Variants in DOK6 observed in about 807,000 individuals in gnomAD.
DOK6 encodes docking protein 6, also known as downstream of tyrosine kinase 6.
DOK6 carries 22 observed loss-of-function variants against 44.0 expected under a neutral mutation model. The ratio of observed to expected loss-of-function variants is 0.50; its 90% CI spans 0.36 to 0.71. The LOEUF is 0.71. DOK6 is among the 30% of genes least tolerant of loss of function. The pLI is 0.00. For missense variants in DOK6, 340 were observed against 416.4 expected (o/e 0.82, Z 1.60); for synonymous variants, 166 against 145.5 (o/e 1.14, Z -1.01).
intron 1 of DOK6, among the ~76,000 whole-genome samples, chr18:69,507,845 G>A (rs1480423177): frequency 6.6e-6 from 1 of 151,954 alleles, no homozygotes; most frequent in African/African-American, 2.4e-5. Context: ...TATGCCTCTT[G>A]TTTCTTTTGT....
intron 6 of DOK6, among the ~76,000 whole-genome samples, chr18:69,753,901 C>G (rs1444908299): frequency 6.6e-6 from 1 of 151,956 alleles, no homozygotes; most frequent in Non-Finnish European, 1.5e-5. Flanking sequence ...ACTTCAAACA[C>G]ATGTATCCAT....
rs552265067 is a variant in DOK6 at position 69,712,710 on chromosome 18, G to C, written c.599+14117G>C. Among the ~76,000 whole-genome samples the C allele has an allele frequency of 1.5e-4, 23 of 152,184 alleles. No homozygotes were observed. In the East Asian group the frequency reaches 3.5e-3, roughly 23 times the overall value. On this transcript the variant is annotated intron_variant, in intron 5 of 7. Transcript: ENST00000382713. ...AAAAATACATAAGTTAGCCAGGAGT[G>C]GGGGTGTGCACCTGTAGTCCCAGCT...
At chr18:69,773,324 C>T (rs552673417) in intron 7 of DOK6, among the ~76,000 whole-genome samples, 2 of 152,022 alleles carry the variant, frequency 1.3e-5, no homozygotes, top group South Asian at 2.1e-4. Flanking sequence ...ATAAAATCCA[C>T]AGCTCCACCT....
chr18:69,589,686 G>A (rs548214168), intron 2 of DOK6, among the ~76,000 whole-genome samples: 1 of 151,888 alleles, frequency 6.6e-6, no homozygotes. Flanking sequence ...TGCATTGAGT[G>A]GTAATATTCC....
In DOK6 at chr18:69,741,999, T is replaced by C. The variant is rs143378529; in HGVS notation, c.738+2896T>C. The stretch of plus-strand genomic sequence containing the variant: ...CTTTTCACACCATATAAGACCTTAT[T>C]TTGCCCTTGTTTATAACCCACTTTC... On this transcript the variant is annotated intron_variant, in intron 6 of 7. Transcript: ENST00000382713. 6.6e-3 allele frequency among the ~76,000 whole-genome samples: 1,007 copies of C among 152,312 alleles called. 4 individuals are homozygous for C. Among genetic ancestry groups the C allele is most frequent in the Non-Finnish European group, 9.3e-3 (631 of 68,030 alleles).
chr18:69,471,096 A>G (rs543018503), intron 1 of DOK6, among the ~76,000 whole-genome samples: 1 of 151,736 alleles, frequency 6.6e-6, no homozygotes, highest in South Asian at 2.1e-4. Context: ...CTAAAAATAC[A>G]AAATTAGCCG....
intron 7 of DOK6, among the ~76,000 whole-genome samples, chr18:69,814,956 G>T (rs1021450441): frequency 4.6e-5 from 7 of 152,130 alleles, no homozygotes. Flanking sequence ...AAGATGGAGA[G>T]GTGGCGAGGT....
At chr18:69,657,610 G>T (rs1985402714) in intron 3 of DOK6, among the ~76,000 whole-genome samples, 2 of 152,144 alleles carry the variant, frequency 1.3e-5, no homozygotes, top group Admixed American at 6.5e-5. Context: ...TGAGATTTTT[G>T]ATGTTAAATC....
chr18:69,632,643 G>T (rs982911486), intron 3 of DOK6, among the ~76,000 whole-genome samples: 3 of 152,158 alleles, frequency 2.0e-5, no homozygotes, highest in African/African-American at 7.2e-5. Flanking sequence ...GTAGCAAGAT[G>T]ATTAAAAGTA....
intron 5 of DOK6, among the ~76,000 whole-genome samples, chr18:69,735,238 GACAA>G (rs1328110983): frequency 1.3e-5 from 2 of 152,188 alleles, no homozygotes; most frequent in Non-Finnish European, 2.9e-5. Flanking sequence ...AATGTAATTT[GACAA>G]ACAGACATTT....
intron 7 of DOK6, among the ~76,000 whole-genome samples, chr18:69,768,400 C>T (rs994703847): frequency 2.6e-5 from 4 of 151,734 alleles, no homozygotes; most frequent in African/African-American, 9.7e-5. Flanking sequence ...TTCCCTCAAA[C>T]ATGTATGTAT....
At chr18:69,759,672 C>T (rs1599310007) in intron 7 of DOK6, among the ~76,000 whole-genome samples, 2 of 152,168 alleles carry the variant, frequency 1.3e-5, no homozygotes, top group African/African-American at 4.8e-5. Context: ...CTGGAATATC[C>T]TAAAACATTG....
chr18:69,813,987 G>A (rs984251746), intron 7 of DOK6, among the ~76,000 whole-genome samples: 3 of 151,990 alleles, frequency 2.0e-5, no homozygotes, highest in African/African-American at 4.8e-5. Context: ...TTACTACCTC[G>A]ATTAAGCATG....
chr18:69,633,041 T>G (rs1984725286), intron 3 of DOK6, among the ~76,000 whole-genome samples: 1 of 152,228 alleles, frequency 6.6e-6, no homozygotes, highest in African/African-American at 2.4e-5. Flanking sequence ...ATGCATGGAC[T>G]TTATGGAACC....
intron 1 of DOK6, among the ~76,000 whole-genome samples, chr18:69,475,868 A>G (rs919953177): frequency 1.3e-5 from 2 of 152,196 alleles, no homozygotes; most frequent in African/African-American, 4.8e-5. Flanking sequence ...TAGCTATTGA[A>G]TGTTTATTTT....
chr18:69,498,462 A>T (rs989200883), intron 1 of DOK6, among the ~76,000 whole-genome samples: 1 of 152,192 alleles, frequency 6.6e-6, no homozygotes, highest in African/African-American at 2.4e-5. Flanking sequence ...AAATAATTTG[A>T]TATGATAAGG....
intron 7 of DOK6, among the ~76,000 whole-genome samples, chr18:69,809,554 T>TCACACACA (rs1981154133): frequency 1.3e-5 from 1 of 74,682 alleles, no homozygotes; most frequent in African/African-American, 5.0e-5. Flanking sequence ...CCCTAAGACT[T>TCACACACA]CACACACACA....
intron 4 of DOK6, among the ~76,000 whole-genome samples, chr18:69,694,027 C>G (rs1349850396): frequency 1.5e-5 from 2 of 136,730 alleles, no homozygotes; most frequent in East Asian, 2.2e-4. Flanking sequence ...CCACCGCACT[C>G]CAGCCTGGGC....
intron 7 of DOK6, among the ~76,000 whole-genome samples, chr18:69,818,458 G>A (rs1167001824): frequency 6.6e-6 from 1 of 152,116 alleles, no homozygotes; most frequent in Non-Finnish European, 1.5e-5. Flanking sequence ...GAAGTCCAGG[G>A]ACCAGGCCTC....
Sources: allele counts gnomAD v4.1 joint callset (sites outside exome capture counted in the v4.1 genomes callset), GRCh38; gene constraint gnomAD v4.1.1; transcripts MANE v1.5; gene names NCBI Gene and HGNC (gene_info 2026-07-23, HGNC 2026-07-21).